Variants in CRPPA observed in about 807,000 individuals in gnomAD.
CRPPA encodes D-ribitol-5-phosphate cytidylyltransferase.
A neutral mutation model predicts 52.0 loss-of-function variants in CRPPA; 43 were observed. That is an observed-to-expected ratio of 0.83 (90% CI 0.65 to 1.07). The LOEUF (loss-of-function observed/expected upper bound fraction) is 1.07, where lower values mean the gene tolerates loss of function less well. Ranked by LOEUF, CRPPA falls within the 50% of genes least tolerant of loss-of-function variation. CRPPA has a pLI of 0.00. For synonymous variants in CRPPA, 250 were observed against 203.5 expected (o/e 1.23, Z -1.94); for missense variants, 629 against 551.7 (o/e 1.14, Z -1.40).
intron 3 of CRPPA, among the ~76,000 whole-genome samples, chr7:16,324,134 T>A (rs573667249): frequency 6.6e-6 from 1 of 152,284 alleles, no homozygotes; most frequent in South Asian, 2.1e-4. Flanking sequence ...ATAGGATACA[T>A]GCTGAAGAAT....
intron 8 of CRPPA, among the ~76,000 whole-genome samples, chr7:16,221,544 C>T (rs1782504661): frequency 6.6e-6 from 1 of 152,046 alleles, no homozygotes; most frequent in South Asian, 2.1e-4. Context: ...ACAACCTACT[C>T]ATCTGACAAA....
At chr7:16,143,596 C>T (rs1272965705) in intron 9 of CRPPA, among the ~76,000 whole-genome samples, 1 of 152,160 alleles carries the variant, frequency 6.6e-6, no homozygotes, top group African/African-American at 2.4e-5. Flanking sequence ...AAGTCTATTG[C>T]TCTCTGACAG....
chr7:16,095,033 C>G (rs1433338887), intron 9 of CRPPA, among the ~76,000 whole-genome samples: 1 of 152,086 alleles, frequency 6.6e-6, no homozygotes, highest in African/African-American at 2.4e-5. Flanking sequence ...TAAATTGTAA[C>G]GAACACATAT....
intron 2 of CRPPA, among the ~76,000 whole-genome samples, chr7:16,401,339 G>C (rs1227803006): frequency 1.3e-5 from 2 of 152,130 alleles, no homozygotes; most frequent in African/African-American, 4.8e-5. Flanking sequence ...TTTTAATATG[G>C]GAATTAGGTA....
intron 3 of CRPPA, among the ~76,000 whole-genome samples, chr7:16,357,389 A>T (rs903248215): frequency 6.6e-6 from 1 of 151,994 alleles, no homozygotes. Flanking sequence ...ATGTTGGCCA[A>T]TCTGGTCTCA....
intron 6 of CRPPA, among the ~76,000 whole-genome samples, chr7:16,272,534 T>C (rs1784113180): frequency 6.6e-6 from 1 of 152,220 alleles, no homozygotes; most frequent in African/African-American, 2.4e-5. Flanking sequence ...TTTTTACACA[T>C]TCCTTTCAAA....
chr7:16,304,678 T>C (rs997025069), intron 4 of CRPPA, among the ~76,000 whole-genome samples: 1 of 152,052 alleles, frequency 6.6e-6, no homozygotes, highest in Admixed American at 6.6e-5. Flanking sequence ...AAATACAAAA[T>C]AATCCTCCTA....
chr7:16,389,926 AAAATATATATATATATAT>A (rs1334814531), intron 2 of CRPPA, among the ~76,000 whole-genome samples: 1 of 55,032 alleles, frequency 1.8e-5, no homozygotes, highest in African/African-American at 8.1e-5. Context: ...AAAAAAAAAA[AAAATATATATATATATAT>A]ATATATATAT....
chr7:16,342,055 C>T (rs999582775), intron 3 of CRPPA, among the ~76,000 whole-genome samples: 1 of 152,120 alleles, frequency 6.6e-6, no homozygotes, highest in African/African-American at 2.4e-5. Flanking sequence ...TCTGTACCTC[C>T]TCCACATACA....
intron 6 of CRPPA, among the ~76,000 whole-genome samples, chr7:16,267,901 G>C (rs1783994857): frequency 6.6e-6 from 1 of 151,994 alleles, no homozygotes; most frequent in South Asian, 2.1e-4. Context: ...TTGTATTAGG[G>C]ACTGTATGTA....
intron 9 of CRPPA, among the ~76,000 whole-genome samples, chr7:16,105,523 C>G (rs1782133649): frequency 6.6e-6 from 1 of 152,082 alleles, no homozygotes; most frequent in African/African-American, 2.4e-5. Flanking sequence ...GTGAAAATGT[C>G]ATGACTACAC....
chr7:16,198,432 G>A (rs975858826), intron 9 of CRPPA, among the ~76,000 whole-genome samples: 1 of 105,928 alleles, frequency 9.4e-6, no homozygotes, highest in East Asian at 4.2e-4. Context: ...CTTTGTTCAC[G>A]TGTTTGTCTG....
At chr7:16,131,501 C>A (rs796786921) in intron 9 of CRPPA, among the ~76,000 whole-genome samples, 52 of 152,278 alleles carry the variant, frequency 3.4e-4, no homozygotes, top group African/African-American at 1.2e-3. Flanking sequence ...GACCTGGGCT[C>A]TGGTGGAAGC....
intron 3 of CRPPA, among the ~76,000 whole-genome samples, chr7:16,356,811 A>C (rs1035866161): frequency 1.3e-5 from 2 of 152,144 alleles, no homozygotes; most frequent in African/African-American, 4.8e-5. Context: ...TCTTAACATG[A>C]GTCACAATAT....
rs1781811100 is a variant in CRPPA at position 16,090,429 on chromosome 7, T to C, written c.*1266A>G. On this transcript the variant is annotated 3_prime_UTR_variant, in exon 10 of 10. Transcript: ENST00000407010. ...ATAAAATAAATGTATGTTGGCTGGG[T>C]ATGGTGGCTCACACCTATAATCCCA... The C allele has an allele frequency of 6.6e-6, 1 of 151,454 alleles. No individual in the cohort carries two copies. Among genetic ancestry groups the C allele is most frequent in the African/African-American group, 2.4e-5 (1 of 41,222 alleles). 9.4% of individuals were successfully genotyped at this position (151,454 alleles called of 1,614,324 possible). A position where few individuals can be genotyped will look rare whatever the true frequency, so the allele number is the denominator to read the frequency against.
At chr7:16,383,721 C>T (rs10277103) in intron 2 of CRPPA, among the ~76,000 whole-genome samples, 2,259 of 152,326 alleles carry the variant, frequency 0.015, 59 homozygotes, top group African/African-American at 0.051. Flanking sequence ...CCCCCAGCCT[C>T]GCTGCCACCT....
chr7:16,416,740 C>T (rs997176920), intron 1 of CRPPA, among the ~76,000 whole-genome samples: 5 of 151,864 alleles, frequency 3.3e-5, no homozygotes, highest in African/African-American at 1.2e-4. Context: ...TACTTGAGGG[C>T]CTGAAGTGGG....
At chr7:16,140,374 A>G (rs1450361004) in intron 9 of CRPPA, among the ~76,000 whole-genome samples, 1 of 151,838 alleles carries the variant, frequency 6.6e-6, no homozygotes. Flanking sequence ...CATGTTGCCC[A>G]GGCTGGTCTC....
chr7:16,229,800 G>A (rs374636502), intron 8 of CRPPA, among the ~76,000 whole-genome samples: 2 of 151,968 alleles, frequency 1.3e-5, no homozygotes, highest in South Asian at 2.1e-4. Flanking sequence ...ATTCCCATTA[G>A]CATTTCTTGT....
Sources: allele counts gnomAD v4.1 joint callset (sites outside exome capture counted in the v4.1 genomes callset), GRCh38; gene constraint gnomAD v4.1.1; transcripts MANE v1.5; gene names NCBI Gene and HGNC (gene_info 2026-07-23, HGNC 2026-07-21).